Variants in CDYL2 observed in about 807,000 individuals in gnomAD.
CDYL2 encodes chromodomain Y like 2.
Under a neutral mutation model 49.4 loss-of-function variants are expected in CDYL2, and 23 were observed. The ratio of observed to expected loss-of-function variants is 0.47; its 90% CI spans 0.34 to 0.66. The LOEUF is 0.66. CDYL2 is among the 30% of genes least tolerant of loss of function. The probability of loss-of-function intolerance (pLI) is 0.01; values close to 1 mark genes in which losing one functional copy is unlikely to be tolerated. For synonymous variants in CDYL2, 360 were observed against 268.8 expected (o/e 1.34, Z -3.32); for missense variants, 678 against 656.4 (o/e 1.03, Z -0.36).
At chr16:80,629,171 G>C (rs1339036544) in intron 3 of CDYL2, among the ~76,000 whole-genome samples, 1 of 152,132 alleles carries the variant, frequency 6.6e-6, no homozygotes, top group Non-Finnish European at 1.5e-5. Context: ...TTGGGGAGGG[G>C]TGTGTGTATA....
At chr16:80,785,833 G>A (rs182593395) in intron 1 of CDYL2, among the ~76,000 whole-genome samples, 2 of 152,248 alleles carry the variant, frequency 1.3e-5, no homozygotes, top group Non-Finnish European at 2.9e-5. Flanking sequence ...TCCGATCTTT[G>A]ACCAACCCGA....
chr16:80,652,624 C>A (rs1423075859), intron 2 of CDYL2, among the ~76,000 whole-genome samples: 3 of 152,072 alleles, frequency 2.0e-5, no homozygotes, highest in Non-Finnish European at 4.4e-5. Context: ...GCGAAGTAAC[C>A]CTACAGTGGA....
Position 80,732,272 on chromosome 16 carries a change from A to G in CDYL2, c.25-47143T>C, listed in dbSNP as rs114733861. Among the ~76,000 whole-genome samples, 984 of 152,310 alleles carry G rather than the reference A, an allele frequency of 6.5e-3. 14 individuals carry two copies. The highest frequency in any genetic ancestry group is 0.022 in the African/African-American group (935 of 41,572). ...CATTCTACAACTGAGAGAGTATCAT[A>G]GTTTAATGGGCTGCACAGTTTTCTG... On this transcript the variant is annotated intron_variant, in intron 1 of 6. Coordinates refer to ENST00000570137, the MANE Select transcript of CDYL2 (RefSeq NM_152342.4).
intron 2 of CDYL2, among the ~76,000 whole-genome samples, chr16:80,666,090 C>T (rs1402786861): frequency 3.9e-5 from 6 of 152,168 alleles, no homozygotes; most frequent in Non-Finnish European, 8.8e-5. Flanking sequence ...GGACCCACTG[C>T]TTCATCCTTT....
At chr16:80,650,683 G>A (rs1235478665) in intron 2 of CDYL2, among the ~76,000 whole-genome samples, 1 of 152,170 alleles carries the variant, frequency 6.6e-6, no homozygotes, top group African/African-American at 2.4e-5. Flanking sequence ...GTTTGTTGTA[G>A]CACTGTTCAT....
At chr16:80,633,621 C>T (rs1907675286) in intron 2 of CDYL2, among the ~76,000 whole-genome samples, 1 of 152,180 alleles carries the variant, frequency 6.6e-6, no homozygotes, top group African/African-American at 2.4e-5. Context: ...AGCAGCTAAC[C>T]TTTAACCAAC....
intron 1 of CDYL2, among the ~76,000 whole-genome samples, chr16:80,793,993 C>T (rs886298670): frequency 4.6e-5 from 7 of 152,128 alleles, no homozygotes; most frequent in African/African-American, 9.7e-5. Flanking sequence ...TAACTGGTAT[C>T]GGGTGTGGTT....
At position 80,604,384 on chromosome 16, in the gene CDYL2, C is replaced by T. The variant is rs376399876; in HGVS notation, c.*4G>A. On this transcript the variant is annotated 3_prime_UTR_variant, in exon 7 of 7. Transcript: ENST00000570137. Reference sequence around the variant, plus strand: ...GAAGTTGGGGGCCCGTGAGCTGGGGCCCCTCAGACTTCATAAATTTTGTCC... The same window carrying T: ...GAAGTTGGGGGCCCGTGAGCTGGGGTCCCTCAGACTTCATAAATTTTGTCC... 1 of 1,613,926 alleles carries T rather than the reference C, an allele frequency of 6.2e-7. No individual in the cohort carries two copies. Among genetic ancestry groups the T allele is most frequent in the East Asian group, 2.2e-5 (1 of 44,874 alleles).
intron 1 of CDYL2, 100 bp from the exon 2 acceptor site, chr16:80,685,229 T>C (rs1333258166): frequency 3.3e-6 from 3 of 917,792 alleles, no homozygotes; most frequent in African/African-American, 1.6e-5. Context: ...GATAGAGGCA[T>C]CTACCCTAGC....
chr16:80,791,451 G>A (rs1412752543), intron 1 of CDYL2, among the ~76,000 whole-genome samples: 4 of 152,214 alleles, frequency 2.6e-5, no homozygotes, highest in Non-Finnish European at 5.9e-5. Context: ...TACAATGTAA[G>A]TGGGAGATTT....
At chr16:80,750,513 T>C (rs536095296) in intron 1 of CDYL2, among the ~76,000 whole-genome samples, 1 of 151,858 alleles carries the variant, frequency 6.6e-6, no homozygotes, top group African/African-American at 2.4e-5. Context: ...CAAAGAGATC[T>C]TAAAATATTA....
chr16:80,620,091 A>G (rs1323644362), intron 4 of CDYL2, among the ~76,000 whole-genome samples: 1 of 152,256 alleles, frequency 6.6e-6, no homozygotes, highest in East Asian at 1.9e-4. Flanking sequence ...ACTGGGTGAC[A>G]GCTGTAAACC....
chr16:80,690,473 A>C (rs982413129), intron 1 of CDYL2, among the ~76,000 whole-genome samples: 1 of 152,200 alleles, frequency 6.6e-6, no homozygotes, highest in Non-Finnish European at 1.5e-5. Context: ...ACTCTCCAAA[A>C]TAACCCAGCA....
At chr16:80,687,364 G>A (rs1200516859) in intron 1 of CDYL2, among the ~76,000 whole-genome samples, 3 of 152,178 alleles carry the variant, frequency 2.0e-5, no homozygotes, top group African/African-American at 4.8e-5. Flanking sequence ...CACAATGGAT[G>A]AGTGCGTGGG....
At chr16:80,617,478 G>T (rs929965528) in intron 4 of CDYL2, among the ~76,000 whole-genome samples, 2 of 152,208 alleles carry the variant, frequency 1.3e-5, no homozygotes, top group Admixed American at 1.3e-4. Context: ...TCCTTTCAAT[G>T]ACAGTGCGCT....
chr16:80,747,688 G>C (rs1905980829), intron 1 of CDYL2, among the ~76,000 whole-genome samples: 1 of 152,076 alleles, frequency 6.6e-6, no homozygotes, highest in Non-Finnish European at 1.5e-5. Flanking sequence ...CCAGACAAAA[G>C]AGTCACAGCC....
At chr16:80,757,821 G>A (rs1302129683) in intron 1 of CDYL2, among the ~76,000 whole-genome samples, 1 of 151,950 alleles carries the variant, frequency 6.6e-6, no homozygotes, top group African/African-American at 2.4e-5. Context: ...AAATTAGAGA[G>A]ATAAGCCAAT....
intron 1 of CDYL2, among the ~76,000 whole-genome samples, chr16:80,724,939 A>C (rs1156987425): frequency 1.3e-5 from 2 of 152,160 alleles, no homozygotes; most frequent in African/African-American, 4.8e-5. Flanking sequence ...CGTGTCCTCA[A>C]ACCCTTTGGT....
intron 4 of CDYL2, among the ~76,000 whole-genome samples, chr16:80,619,865 T>C (rs1906998756): frequency 6.6e-6 from 1 of 152,124 alleles, no homozygotes; most frequent in South Asian, 2.1e-4. Context: ...AAGCAACCCC[T>C]CAAAGCCCCC....
Sources: allele counts gnomAD v4.1 joint callset (sites outside exome capture counted in the v4.1 genomes callset), GRCh38; gene constraint gnomAD v4.1.1; transcripts MANE v1.5; gene names NCBI Gene and HGNC (gene_info 2026-07-23, HGNC 2026-07-21).